RNF126: variants seen among roughly 807,000 people sequenced by gnomAD.
RNF126 encodes the protein ring finger protein 126.
Under a neutral mutation model 41.9 loss-of-function variants are expected in RNF126, and 20 were observed. That is an observed-to-expected ratio of 0.48 (90% CI 0.34 to 0.69). RNF126 has a LOEUF of 0.69. RNF126 is among the 30% of genes least tolerant of loss of function. The pLI, the probability that RNF126 is intolerant of heterozygous loss-of-function variation, is 0.01. For missense variants in RNF126, 433 were observed against 460.6 expected, an observed-to-expected ratio of 0.94 and a Z score of 0.55; for synonymous variants, 239 against 202.9, an observed-to-expected ratio of 1.18 and a Z score of -1.51.
chr19:652,347 G>A (rs374272881), intron 2 of RNF126, 51 bp from the exon 3 acceptor site: 64 of 1,443,452 alleles, frequency 4.4e-5, no homozygotes, highest in Middle Eastern at 1.8e-4. Flanking sequence ...GCCCCCATGC[G>A]CCAGGCGCTC....
chr19:655,368 C>T lies in RNF126; in HGVS notation c.76-2484G>A, dbSNP rs190022317. On this transcript the variant is annotated intron_variant, in intron 1 of 8. Coordinates refer to ENST00000292363, the MANE Select transcript of RNF126 (RefSeq NM_194460.3). ...GAGAAACAGACAACGCAACTAAAAA[C>T]GGGCAAAGTCGGGAGGCTGAGGCAG... Among the ~76,000 whole-genome samples the T allele has an allele frequency of 3.7e-4, 56 of 151,806 alleles. No individual in the cohort carries two copies. The East Asian group carries it at 8.3e-3, about 23-fold the overall frequency.
chr19:652,428 C>T, intron 2 of RNF126, 132 bp from the exon 3 acceptor site: 1 of 810,856 alleles, frequency 1.2e-6, no homozygotes, highest in East Asian at 2.8e-5. Context: ...GCCACCGCCC[C>T]AGCATTTGGT....
intron 1 of RNF126, among the ~76,000 whole-genome samples, chr19:656,914 G>T (rs989958786): frequency 1.3e-5 from 2 of 152,160 alleles, no homozygotes; most frequent in Admixed American, 6.5e-5. Flanking sequence ...GCCGCCGTCC[G>T]CCCGCCAGCT....
Position 659,269 on chromosome 19 carries a change from G to A in RNF126, c.75+3778C>T, listed in dbSNP as rs983410462. Among the ~76,000 whole-genome samples, 5 of 152,090 alleles carry A rather than the reference G, an allele frequency of 3.3e-5. No individual in the cohort carries two copies. The highest frequency in any genetic ancestry group is 4.8e-5 in the African/African-American group (2 of 41,404). ...GGACCAGGAGAAGACAGGGTGGGCC[G>A]GGGGGCAGCTGGGGAGACTTCCCGC... On this transcript the variant is annotated intron_variant, in intron 1 of 8. Coordinates refer to ENST00000292363, the MANE Select transcript of RNF126 (RefSeq NM_194460.3). The surrounding 1 kb of genome is among the most constrained non-coding windows in gnomAD (Gnocchi z 4.9).
In RNF126 at chr19:663,056, CG is replaced by C; in HGVS notation, c.65del (p.Pro22ArgfsTer202). ...CCGGCCCGGGCCTCACCGGCAGGCG[CG>C]GGACGATCTCCACGGAGCAGCAGTG... ...FCHCCSVEIV[P>X]RLPDYICPRC... On this transcript the variant is annotated frameshift_variant, in exon 1 of 9. Coordinates refer to ENST00000292363, the MANE Select transcript of RNF126 (RefSeq NM_194460.3). LOFTEE classifies it high-confidence loss of function. 1 of 1,376,598 alleles carries C rather than the reference CG, an allele frequency of 7.3e-7. No homozygotes were observed. Among genetic ancestry groups the C allele is most frequent in the Non-Finnish European group, 9.4e-7 (1 of 1,060,092 alleles). The allele number at this position is 1,376,598 out of a possible 1,614,324, so 85.3% of individuals were successfully genotyped here.
At chr19:651,004 C>G (rs143546424) in intron 4 of RNF126, among the ~76,000 whole-genome samples, 1 of 152,178 alleles carries the variant, frequency 6.6e-6, no homozygotes, top group Non-Finnish European at 1.5e-5. Context: ...ACTGCAAATA[C>G]AGCACTGAGC....
At chr19:662,431 T>C (rs4919882) in intron 1 of RNF126, among the ~76,000 whole-genome samples, 131,706 of 152,116 alleles carry the variant, frequency 0.87, 57,197 homozygotes, top group East Asian at 1. Context: ...ACGCAGGCTC[T>C]GCTCACAAAG....
At chr19:649,825 G>T in intron 5 of RNF126, 77 bp from the exon 6 acceptor site, 1 of 1,209,746 alleles carries the variant, frequency 8.3e-7, no homozygotes, top group Non-Finnish European at 1.2e-6. Flanking sequence ...CTCACCAGGG[G>T]CCCAGGCTGG....
chr19:650,298 T>C lies in RNF126; in HGVS notation c.444-2A>G. ...CCGTTGACGAGCTGCTGGATGATCC[T>C]GGAAAAGAGAGCGCCAGTCACGGGG... On this transcript the variant is annotated splice_acceptor_variant, in intron 4 of 8. Coordinates refer to ENST00000292363, the MANE Select transcript of RNF126 (RefSeq NM_194460.3). LOFTEE classifies it high-confidence loss of function. The C allele has an allele frequency of 6.3e-7, 1 of 1,577,848 alleles. No homozygotes were observed. Among genetic ancestry groups the C allele is most frequent in the Non-Finnish European group, 8.6e-7 (1 of 1,162,890 alleles).
rs1355783852 is a variant in RNF126 at position 647,948 on chromosome 19, C to G, written c.*180G>C. Reference sequence around the variant, plus strand: ...GCCCCAGAGGGGACCATGTGGCCCACGCCTTCCCAAGCCAGGGGGCCGGTG... The same window carrying G: ...GCCCCAGAGGGGACCATGTGGCCCAGGCCTTCCCAAGCCAGGGGGCCGGTG... On this transcript the variant is annotated 3_prime_UTR_variant, in exon 9 of 9. Coordinates refer to ENST00000292363, the MANE Select transcript of RNF126 (RefSeq NM_194460.3). 1 of 737,258 alleles carries G rather than the reference C, an allele frequency of 1.4e-6. No individual in the cohort carries two copies. Among genetic ancestry groups the G allele is most frequent in the Non-Finnish European group, 2.2e-6 (1 of 461,402 alleles). 45.7% of individuals were successfully genotyped at this position (737,258 alleles called of 1,614,324 possible).
chr19:648,702 C>T (rs1336311156), intron 7 of RNF126, among the ~76,000 whole-genome samples, 180 bp downstream of exon 7: 1 of 152,130 alleles, frequency 6.6e-6, no homozygotes, highest in African/African-American at 2.4e-5. Flanking sequence ...GGTGCGGTGG[C>T]TCACGCCTGT....
chr19:654,306 G>A (rs1223499216), intron 1 of RNF126, among the ~76,000 whole-genome samples: 2 of 152,196 alleles, frequency 1.3e-5, no homozygotes, highest in Admixed American at 1.3e-4. Flanking sequence ...AGGCCGGGAG[G>A]CACCACATGC....
At chr19:660,362 C>A (rs1600643696) in intron 1 of RNF126, among the ~76,000 whole-genome samples, 1 of 152,260 alleles carries the variant, frequency 6.6e-6, no homozygotes, top group Non-Finnish European at 1.5e-5. Context: ...CGGAACGGCC[C>A]AGCTGCCTGG....
intron 6 of RNF126, chr19:649,226 G>GGA: frequency 3.9e-6 from 1 of 258,094 alleles, no homozygotes; most frequent in Non-Finnish European, 7.2e-6. Flanking sequence ...GGAATGGGGG[G>GGA]GGGGGCCGCG....
chr19:655,152 A>C (rs2030507178), intron 1 of RNF126, among the ~76,000 whole-genome samples: 1 of 152,030 alleles, frequency 6.6e-6, no homozygotes, highest in African/African-American at 2.4e-5. Context: ...TCTACAAAAA[A>C]CAAATTAGCT....
chr19:647,637 G>T lies in RNF126; in HGVS notation c.*491C>A. 1 of 175,886 alleles carries T rather than the reference G, an allele frequency of 5.7e-6. No homozygotes were observed. The highest frequency in any genetic ancestry group is 1.2e-5 in the Non-Finnish European group (1 of 81,042). 10.9% of individuals were successfully genotyped at this position (175,886 alleles called of 1,614,324 possible). A position where few individuals can be genotyped will look rare whatever the true frequency, so the allele number is the denominator to read the frequency against. ...TTGAATTTTGCTGGTCATCCTCATG[G>T]TCCCGAGCCCCCCTACTCCGGGTCG... On this transcript the variant is annotated 3_prime_UTR_variant, in exon 9 of 9. Coordinates refer to ENST00000292363, the MANE Select transcript of RNF126 (RefSeq NM_194460.3).
At chr19:655,616 C>A (rs2030528964) in intron 1 of RNF126, among the ~76,000 whole-genome samples, 1 of 151,998 alleles carries the variant, frequency 6.6e-6, no homozygotes, top group Non-Finnish European at 1.5e-5. Context: ...GATGCAAGAC[C>A]CCGTCAGGCC....
At chr19:660,757 G>A (rs1483264804) in intron 1 of RNF126, among the ~76,000 whole-genome samples, 4 of 152,174 alleles carry the variant, frequency 2.6e-5, no homozygotes, top group African/African-American at 4.8e-5. Context: ...CTCAGCCCCC[G>A]CCAGTAGCTG....
chr19:649,799 G>GCC, intron 5 of RNF126, 51 bp from the exon 6 acceptor site: 1 of 1,432,386 alleles, frequency 7.0e-7, no homozygotes, highest in Non-Finnish European at 9.6e-7. Context: ...TGGGGCAGGT[G>GCC]CGTCTATCCA....
Sources: allele counts gnomAD v4.1 joint callset (sites outside exome capture counted in the v4.1 genomes callset), GRCh38; gene constraint gnomAD v4.1.1; non-coding constraint Gnocchi (gnomAD v3.1); transcripts MANE v1.5; gene names NCBI Gene and HGNC (gene_info 2026-07-23, HGNC 2026-07-21).